SPATA7: variants seen among roughly 807,000 people sequenced by gnomAD.
SPATA7 encodes spermatogenesis associated 7.
Under a neutral mutation model 51.8 loss-of-function variants are expected in SPATA7, and 43 were observed. The observed-to-expected ratio is 0.83, with a 90% CI of 0.65 to 1.07. The LOEUF is 1.07. SPATA7 is among the 50% of genes least tolerant of loss of function. SPATA7 has a pLI of 0.00. For synonymous variants in SPATA7, 230 were observed against 252.8 expected (o/e 0.91, Z 0.86); for missense variants, 683 against 701.3 (o/e 0.97, Z 0.30).
At chr14:88,455,913 C>T (rs1023769533), downstream of SPATA7, among the ~76,000 whole-genome samples, 2 of 143,010 alleles carry the variant, frequency 1.4e-5, no homozygotes, top group African/African-American at 2.6e-5. Context: ...GTGTGATGTT[C>T]CCCTTCCTGT....
chr14:88,411,118 C>A (rs73321884), intron 4 of SPATA7, among the ~76,000 whole-genome samples: 5,343 of 152,198 alleles, frequency 0.035, 302 homozygotes, highest in African/African-American at 0.12. Context: ...GGCCTTGTGG[C>A]GCTGTGGTGG....
In SPATA7 at chr14:88,449,194, G is replaced by A. The variant is rs186138287; in HGVS notation, c.178-5866G>A. On this transcript the variant is annotated intron_variant, in intron 3 of 3. Coordinates refer to the SPATA7 transcript ENST00000554802. ...GTACTCTTTCAGACTTCATGATGTA[G>A]GCATTTAATACTATGAACTTTCCTC... Among the ~76,000 whole-genome samples the A allele has an allele frequency of 1.6e-3, 236 of 152,122 alleles. 1 individual carries two copies. The highest frequency in any genetic ancestry group is 6.8e-3 in the Middle Eastern group (2 of 292).
At chr14:88,395,320 G>T (rs1482713965) in intron 3 of SPATA7, among the ~76,000 whole-genome samples, 1 of 151,688 alleles carries the variant, frequency 6.6e-6, no homozygotes, top group Non-Finnish European at 1.5e-5. Context: ...AATAGCTAAA[G>T]TTTTTAAATT....
rs28890500 is a variant in SPATA7, at chr14:88,402,944, A to C, written c.238+6741A>C. 7.0e-3 allele frequency among the ~76,000 whole-genome samples: 961 copies of C among 137,022 alleles called. 13 individuals are homozygous for C. The highest frequency in any genetic ancestry group is 0.024 in the African/African-American group (916 of 38,618). The allele number at this position is 137,022 out of a possible 152,430, so 89.9% of individuals were successfully genotyped here. ...TAATATCCCAACTGTGTAAGTAATA[A>C]GTACAACTCAATAGCAAAAAAAAAA... On this transcript the variant is annotated intron_variant, in intron 4 of 11. Coordinates refer to ENST00000393545, the MANE Select transcript of SPATA7 (RefSeq NM_018418.5).
At chr14:88,410,942 G>A (rs1192478527) in intron 4 of SPATA7, among the ~76,000 whole-genome samples, 1 of 152,212 alleles carries the variant, frequency 6.6e-6, no homozygotes, top group African/African-American at 2.4e-5. Context: ...AGAGCTGGCA[G>A]GCAGGAACAT....
chr14:88,444,352 T>C lies in SPATA7; in HGVS notation c.177+6449T>C, dbSNP rs201459730. Among the ~76,000 whole-genome samples the C allele has an allele frequency of 4.3e-4, 66 of 152,238 alleles. 1 individual carries two copies. In the East Asian group the frequency reaches 0.011, roughly 26 times the overall value. On this transcript the variant is annotated intron_variant, in intron 3 of 3. Transcript: ENST00000554802. The stretch of plus-strand genomic sequence containing the variant: ...GGTTGTTTGTTTTTTTCTTGTAAAT[T>C]TGTTTGAGTTCGTTGTAGATTCTGG...
chr14:88,441,426 T>C (rs2077178160), downstream of SPATA7, among the ~76,000 whole-genome samples: 1 of 152,220 alleles, frequency 6.6e-6, no homozygotes, highest in Non-Finnish European at 1.5e-5. Flanking sequence ...ATCTCCACAC[T>C]GTTTTCCATA....
At chr14:88,433,283 G>T (rs1555377094) in intron 10 of SPATA7, 71 bp downstream of exon 10, 3 of 1,106,576 alleles carry the variant, frequency 2.7e-6, no homozygotes, top group South Asian at 2.8e-5. Flanking sequence ...TTCATATGAT[G>T]TTAAAATTTT....
At chr14:88,398,254 A>G (rs1447693695) in intron 4 of SPATA7, among the ~76,000 whole-genome samples, 7 of 151,998 alleles carry the variant, frequency 4.6e-5, no homozygotes, top group Non-Finnish European at 1.0e-4. Flanking sequence ...GATAGACTGG[A>G]TTAAGAAAAT....
exon 5 of SPATA7, chr14:88,470,263 C>T (rs2077440143): frequency 5.2e-6 from 3 of 572,258 alleles, no homozygotes; most frequent in Non-Finnish European, 9.3e-6. Flanking sequence ...AACTTAGGTA[C>T]TGTGAATATA....
intron 4 of SPATA7, among the ~76,000 whole-genome samples, chr14:88,462,347 T>A (rs954937761): frequency 5.9e-5 from 9 of 152,230 alleles, no homozygotes; most frequent in African/African-American, 2.2e-4. Context: ...TCTGTACTAG[T>A]CTCATCAACC....
At chr14:88,467,755 A>G (rs757153938) in intron 4 of SPATA7, 1 of 180,186 alleles carries the variant, frequency 5.5e-6, no homozygotes. Context: ...TAAAAACTCC[A>G]TTATCAAAAA....
At chr14:88,389,681 C>T (rs1019916514) in intron 1 of SPATA7, among the ~76,000 whole-genome samples, 3 of 152,136 alleles carry the variant, frequency 2.0e-5, no homozygotes, top group African/African-American at 7.2e-5. Context: ...GGATTGATTC[C>T]TGGGGCCAAA....
At chr14:88,391,915 C>T (rs2075757239) in intron 2 of SPATA7, among the ~76,000 whole-genome samples, 1 of 152,136 alleles carries the variant, frequency 6.6e-6, no homozygotes, top group Non-Finnish European at 1.5e-5. Context: ...TATTTTAAAG[C>T]TTTCAAGGTA....
intron 4 of SPATA7, among the ~76,000 whole-genome samples, chr14:88,397,399 A>G (rs2075916501): frequency 6.6e-6 from 1 of 152,216 alleles, no homozygotes; most frequent in East Asian, 1.9e-4. Flanking sequence ...GCTCACACCT[A>G]TGGGAGACAG....
In SPATA7 at chr14:88,426,648, A is replaced by C. The variant is rs2139996952; in HGVS notation, c.789A>C (p.Lys263Asn). 6.2e-7 allele frequency: 1 copy of C among 1,614,038 alleles called. No individual in the cohort carries two copies. The highest frequency in any genetic ancestry group is 8.5e-7 in the Non-Finnish European group (1 of 1,180,034). The change falls in exon 6 of 12, where the codon AAA becomes AAC. Residue 263 changes from lysine (K) to asparagine (N), a missense_variant. Lys to Asn is a moderately conservative substitution (Grantham distance 94). Coordinates refer to ENST00000393545, the MANE Select transcript of SPATA7 (RefSeq NM_018418.5). ...AGTATCGCTATTATACACCTGCCAA[A>C]AGAAAAAAGGATTTTACAGATCAAC... ...LSQYRYYTPAKRKKDFTDQRI... is the reference protein window; with the variant it reads ...LSQYRYYTPANRKKDFTDQRI...
intron 4 of SPATA7, 46 bp from the exon 5 acceptor site, chr14:88,416,665 T>A: frequency 6.2e-7 from 1 of 1,604,620 alleles, no homozygotes; most frequent in Non-Finnish European, 8.5e-7. Context: ...AAAAAACCAA[T>A]TTTCTATTTT....
intron 5 of SPATA7, among the ~76,000 whole-genome samples, chr14:88,417,669 C>T (rs2076522699): frequency 6.6e-6 from 1 of 152,178 alleles, no homozygotes; most frequent in Non-Finnish European, 1.5e-5. Context: ...ACCAACTTTG[C>T]ATTCCTGTTG....
chr14:88,457,591 T>C (rs984686905), downstream of SPATA7, among the ~76,000 whole-genome samples: 6 of 152,240 alleles, frequency 3.9e-5, no homozygotes, highest in African/African-American at 1.4e-4. Context: ...CCAGAGACTT[T>C]GCTGAAGTTG....
Sources: gnomAD v4.1 joint callset for allele counts (sites outside exome capture counted in the v4.1 genomes callset) on GRCh38, gnomAD v4.1.1 for gene constraint, MANE v1.5 for transcripts, NCBI Gene and HGNC (gene_info 2026-07-23, HGNC 2026-07-21) for gene names.